Variants in TCP11L1 observed in about 807,000 individuals in gnomAD.
TCP11L1 encodes t-complex 11 like 1, also known as T-complex protein 11-like protein 1.
A neutral mutation model predicts 48.9 loss-of-function variants in TCP11L1; 28 were observed. The observed-to-expected ratio is 0.57, with a 90% CI of 0.42 to 0.78. The LOEUF (loss-of-function observed/expected upper bound fraction) is 0.78. Among genes scored for constraint, TCP11L1 ranks in the 30% least tolerant of loss-of-function variants. TCP11L1 has a pLI of 0.00. For synonymous variants in TCP11L1, 204 were observed against 231.9 expected (o/e 0.88, Z 1.09); for missense variants, 505 against 613.4 (o/e 0.82, Z 1.87).
At chr11:33,051,199 G>T (rs535241855) in intron 2 of TCP11L1, among the ~76,000 whole-genome samples, 2 of 152,050 alleles carry the variant, frequency 1.3e-5, no homozygotes, top group East Asian at 3.9e-4. Flanking sequence ...ACGGAGTCTC[G>T]CTCTGTCGCC....
chr11:33,045,396 G>A (rs1276034897), intron 2 of TCP11L1, among the ~76,000 whole-genome samples: 1 of 151,292 alleles, frequency 6.6e-6, no homozygotes. Flanking sequence ...CGTGGTTGTA[G>A]TCCCAGCTAC....
intron 9 of TCP11L1, among the ~76,000 whole-genome samples, chr11:33,070,947 AGCC>A (rs1424748770): frequency 6.7e-6 from 1 of 149,936 alleles, no homozygotes; most frequent in Non-Finnish European, 1.5e-5. Flanking sequence ...GGTTGCAGTG[AGCC>A]GAGATCGCGC....
intron 2 of TCP11L1, among the ~76,000 whole-genome samples, chr11:33,047,744 C>T (rs529637363): frequency 1.3e-5 from 2 of 152,334 alleles, no homozygotes; most frequent in East Asian, 3.9e-4. Context: ...CATATTGTCT[C>T]TGTCCTCATG....
chr11:33,055,203 T>C (rs1590229398), intron 3 of TCP11L1, among the ~76,000 whole-genome samples: 1 of 152,376 alleles, frequency 6.6e-6, no homozygotes, highest in Non-Finnish European at 1.5e-5. Flanking sequence ...GATCCAAGTT[T>C]CTGAGAGATT....
rs1468992617 is a variant in TCP11L1 at position 33,043,797 on chromosome 11, C to T, written c.24C>T (p.Ser8=). 6.2e-6 allele frequency: 10 copies of T among 1,611,522 alleles called. No individual in the cohort carries two copies. Among genetic ancestry groups the T allele is most frequent in the Non-Finnish European group, 8.5e-6 (10 of 1,179,228 alleles). Residue 8 remains serine (S), a synonymous_variant, in exon 2 of 10, where the codon TCC becomes TCT. Transcript: ENST00000334274. MSENLDK[S]NVNEAGKSKS... is the part of the protein sequence containing the mutation. Reference sequence around the variant, plus strand: ...GAATGTCTGAAAACCTTGACAAGTCCAATGTAAATGAAGCAGGAAAATCAA... The same window carrying T: ...GAATGTCTGAAAACCTTGACAAGTCTAATGTAAATGAAGCAGGAAAATCAA...
intron 7 of TCP11L1, among the ~76,000 whole-genome samples, chr11:33,062,189 C>CA (rs1346684587): frequency 6.6e-6 from 1 of 152,174 alleles, no homozygotes; most frequent in Non-Finnish European, 1.5e-5. Flanking sequence ...GTGTACAACT[C>CA]AGTGTTTTCT....
At chr11:33,066,094 A>G (rs1441922842) in intron 8 of TCP11L1, 83 bp downstream of exon 8, 1 of 1,542,628 alleles carries the variant, frequency 6.5e-7, no homozygotes, top group East Asian at 2.3e-5. Context: ...CTCCCACTGT[A>G]AGGCAGAGCC....
intron 6 of TCP11L1, 132 bp downstream of exon 6, chr11:33,059,227 G>A (rs976170111): frequency 1.0e-5 from 13 of 1,244,398 alleles, no homozygotes; most frequent in Non-Finnish European, 1.4e-5. Flanking sequence ...TTTGAAGAAG[G>A]AAAAGCACAA....
chr11:33,070,622 T>C (rs916254959), intron 9 of TCP11L1, among the ~76,000 whole-genome samples: 2 of 149,248 alleles, frequency 1.3e-5, no homozygotes, highest in Non-Finnish European at 1.5e-5. Flanking sequence ...AAGGTGGAGA[T>C]TGTGGTGAGC....
At chr11:33,072,316 A>T (rs1431714391) in intron 9 of TCP11L1, among the ~76,000 whole-genome samples, 158 bp from the exon 10 acceptor site, 1 of 152,226 alleles carries the variant, frequency 6.6e-6, no homozygotes, top group Non-Finnish European at 1.5e-5. Flanking sequence ...AAATGGGATG[A>T]ATATGCAGAA....
At chr11:33,069,241 T>C (rs192686443) in intron 9 of TCP11L1, among the ~76,000 whole-genome samples, 378 of 152,290 alleles carry the variant, frequency 2.5e-3, no homozygotes, top group African/African-American at 8.4e-3. Context: ...CAGCACATAG[T>C]AAGTGCTCAG....
chr11:33,066,621 G>C (rs995152190), intron 8 of TCP11L1, among the ~76,000 whole-genome samples: 4 of 152,214 alleles, frequency 2.6e-5, no homozygotes, highest in African/African-American at 9.6e-5. Flanking sequence ...CAACTCATTT[G>C]TTCTCCCTAC....
intron 6 of TCP11L1, among the ~76,000 whole-genome samples, chr11:33,060,271 T>G (rs2133727770): frequency 6.6e-6 from 1 of 152,276 alleles, no homozygotes; most frequent in South Asian, 2.1e-4. Flanking sequence ...AGTGGAGGAC[T>G]CACTGGTAGG....
At chr11:33,065,514 C>T (rs1463159564) in intron 7 of TCP11L1, among the ~76,000 whole-genome samples, 5 of 152,172 alleles carry the variant, frequency 3.3e-5, no homozygotes, top group Non-Finnish European at 7.4e-5. Context: ...CTGCCCACCT[C>T]GGCCTCCCAA....
At chr11:33,044,127 A>C (rs1013421946) in intron 2 of TCP11L1, 191 bp downstream of exon 2, 22 of 522,230 alleles carry the variant, frequency 4.2e-5, no homozygotes, top group Middle Eastern at 4.6e-4. Context: ...TGCATGGGAA[A>C]TTAACAATTT....
intron 6 of TCP11L1, among the ~76,000 whole-genome samples, chr11:33,061,290 G>A (rs1450162491): frequency 6.6e-6 from 1 of 152,192 alleles, no homozygotes; most frequent in Non-Finnish European, 1.5e-5. Context: ...ACAACAGCCT[G>A]TGAGGTGGGT....
intron 1 of TCP11L1, among the ~76,000 whole-genome samples, chr11:33,042,094 C>G (rs1186190480): frequency 6.6e-6 from 1 of 152,166 alleles, no homozygotes; most frequent in Non-Finnish European, 1.5e-5. Context: ...GAGGAATTGA[C>G]TAAAACTTTT....
At chr11:33,053,161 T>TC (rs1854213335) in intron 2 of TCP11L1, among the ~76,000 whole-genome samples, 1 of 151,364 alleles carries the variant, frequency 6.6e-6, no homozygotes, top group South Asian at 2.1e-4. Flanking sequence ...TTTTTTTTTT[T>TC]TTTGAGACAA....
intron 9 of TCP11L1, among the ~76,000 whole-genome samples, chr11:33,071,747 G>A (rs1027453299): frequency 3.3e-5 from 5 of 152,144 alleles, no homozygotes; most frequent in Admixed American, 3.3e-4. Flanking sequence ...TTATGTGATC[G>A]TCAGCGATGG....
Sources: allele counts gnomAD v4.1 joint callset (sites outside exome capture counted in the v4.1 genomes callset), GRCh38; gene constraint gnomAD v4.1.1; transcripts MANE v1.5; gene names NCBI Gene and HGNC (gene_info 2026-07-23, HGNC 2026-07-21).